Variants in PEMT observed in about 807,000 individuals in gnomAD.
The protein encoded by PEMT is phospholipid methyltransferase.
In PEMT, 23 loss-of-function variants were observed where a neutral mutation model predicts 27.4. The observed-to-expected ratio is 0.84, with a 90% confidence interval of 0.60 to 1.19. The LOEUF (loss-of-function observed/expected upper bound fraction) is 1.19, where lower values mean the gene tolerates loss of function less well. Among genes scored for constraint, PEMT ranks in the 50% most tolerant of loss-of-function variants. The pLI is 0.00. For synonymous variants in PEMT, 137 were observed against 139.1 expected, an observed-to-expected ratio of 0.98 and a Z score of 0.11; for missense variants, 307 against 310.1, an observed-to-expected ratio of 0.99 and a Z score of 0.07.
intron 2 of PEMT, among the ~76,000 whole-genome samples, chr17:17,566,141 C>A (rs4646360): frequency 6.6e-6 from 1 of 152,160 alleles, no homozygotes; most frequent in African/African-American, 2.4e-5. Context: ...CATTCAGCCT[C>A]CAAAGAAGAC....
intron 1 of PEMT, among the ~76,000 whole-genome samples, chr17:17,578,414 G>A (rs1027683014): frequency 2.6e-5 from 4 of 151,952 alleles, no homozygotes; most frequent in African/African-American, 7.2e-5. Flanking sequence ...CAAGAGGATC[G>A]CTTGAGCCCA....
At chr17:17,521,560 C>T (rs1034583703) in intron 3 of PEMT, among the ~76,000 whole-genome samples, 156 of 149,822 alleles carry the variant, frequency 1.0e-3, no homozygotes, top group African/African-American at 3.7e-3. Context: ...AAGAAGCTTT[C>T]TTTTAAAAAA....
chr17:17,572,921 G>A (rs923011906), intron 2 of PEMT, among the ~76,000 whole-genome samples: 62 of 152,304 alleles, frequency 4.1e-4, no homozygotes, highest in African/African-American at 1.4e-3. Context: ...AGGCGTGGTG[G>A]CTCATGCCTG....
intron 1 of PEMT, 56 bp downstream of exon 1, chr17:17,591,475 C>G (rs775115075): frequency 2.1e-6 from 3 of 1,435,474 alleles, no homozygotes; most frequent in Non-Finnish European, 2.9e-6. Flanking sequence ...CTTCACGCCC[C>G]TCGGGCCTTG....
intron 2 of PEMT, among the ~76,000 whole-genome samples, chr17:17,568,628 C>T (rs1274906207): frequency 6.6e-6 from 1 of 152,182 alleles, no homozygotes; most frequent in Non-Finnish European, 1.5e-5. Context: ...TCCCATAGCA[C>T]CTACAAGGTC....
chr17:17,553,650 T>A lies in PEMT; in HGVS notation c.204+23270A>T, dbSNP rs9899073. 4.1e-3 allele frequency among the ~76,000 whole-genome samples: 627 copies of A among 152,324 alleles called. 4 individuals carry two copies. The highest frequency in any genetic ancestry group is 0.014 in the African/African-American group (589 of 41,572). ...ACCTGACCCAGCACCCCCTGCTCAGTTCAGCTCCCACGCGTGGCCTTCTCG... is the reference window on the plus strand; with the variant it reads ...ACCTGACCCAGCACCCCCTGCTCAGATCAGCTCCCACGCGTGGCCTTCTCG... On this transcript the variant is annotated intron_variant, in intron 2 of 6. Transcript: ENST00000255389.
intron 2 of PEMT, among the ~76,000 whole-genome samples, chr17:17,529,097 G>A (rs151130322): frequency 3.9e-5 from 6 of 152,338 alleles, no homozygotes; most frequent in African/African-American, 1.4e-4. Flanking sequence ...CCCAGTCACT[G>A]CCAGCTAGGC....
At chr17:17,551,473 G>A (rs1909648332) in intron 2 of PEMT, among the ~76,000 whole-genome samples, 1 of 152,226 alleles carries the variant, frequency 6.6e-6, no homozygotes, top group Non-Finnish European at 1.5e-5. Context: ...GCGCGGGCTT[G>A]CAGGCCTCCA....
chr17:17,557,863 C>T (rs1016448123), intron 2 of PEMT, among the ~76,000 whole-genome samples: 2 of 152,218 alleles, frequency 1.3e-5, no homozygotes, highest in Non-Finnish European at 2.9e-5. Context: ...CCGGCCTCAC[C>T]CTCCCCAGGG....
At chr17:17,552,959 C>G (rs936823325) in intron 2 of PEMT, among the ~76,000 whole-genome samples, 2 of 152,206 alleles carry the variant, frequency 1.3e-5, no homozygotes, top group Non-Finnish European at 2.9e-5. Flanking sequence ...CCCAGCGCCC[C>G]GTGAGTCCAC....
At chr17:17,548,171 G>A (rs565860586) in intron 2 of PEMT, among the ~76,000 whole-genome samples, 17 of 152,322 alleles carry the variant, frequency 1.1e-4, no homozygotes, top group African/African-American at 3.8e-4. Context: ...TTGTCATGGC[G>A]GCAGTCCACA....
intron 2 of PEMT, chr17:17,570,722 G>C: frequency 1.0e-6 from 1 of 985,412 alleles, no homozygotes; most frequent in Non-Finnish European, 1.2e-6. Flanking sequence ...CCATTTCCTG[G>C]AAAACCTGGG....
Position 17,524,011 on chromosome 17 carries a change from C to T in PEMT, c.205-1616G>A, listed in dbSNP as rs145563707. ...GACGTTTCATATAAACTGAATCACACACTACATGGTCTTTTGTGTCTGGCT... is the reference window on the plus strand; with the variant it reads ...GACGTTTCATATAAACTGAATCACATACTACATGGTCTTTTGTGTCTGGCT... On this transcript the variant is annotated intron_variant, in intron 2 of 6. Transcript: ENST00000255389. Among the ~76,000 whole-genome samples the T allele has an allele frequency of 2.9e-3, 445 of 152,282 alleles. 2 individuals carry two copies. Among genetic ancestry groups the T allele is most frequent in the South Asian group, 0.016 (79 of 4,828 alleles).
At chr17:17,591,023 C>T (rs528328155) in intron 1 of PEMT, among the ~76,000 whole-genome samples, 3 of 152,262 alleles carry the variant, frequency 2.0e-5, no homozygotes, top group African/African-American at 7.2e-5. Context: ...CACTCTCTTG[C>T]CTCTGGGCAA....
chr17:17,521,834 T>C (rs1907289592), intron 3 of PEMT, among the ~76,000 whole-genome samples: 1 of 152,132 alleles, frequency 6.6e-6, no homozygotes, highest in African/African-American at 2.4e-5. Flanking sequence ...CCCAAAGTGC[T>C]AGGATTACAG....
chr17:17,564,755 A>T (rs1018950231), intron 2 of PEMT, among the ~76,000 whole-genome samples: 8 of 152,096 alleles, frequency 5.3e-5, no homozygotes, highest in Admixed American at 5.2e-4. Flanking sequence ...TCCTCACCAG[A>T]GGGGCTCACA....
At chr17:17,532,048 A>G (rs1567690267) in intron 2 of PEMT, among the ~76,000 whole-genome samples, 1 of 152,112 alleles carries the variant, frequency 6.6e-6, no homozygotes, top group African/African-American at 2.4e-5. Flanking sequence ...AAAAAACTCA[A>G]TTTTTTTCAA....
chr17:17,513,880 A>G lies in PEMT; in HGVS notation c.321-1226T>C, dbSNP rs1443194208. On this transcript the variant is annotated intron_variant, in intron 3 of 6. Coordinates refer to ENST00000255389, the MANE Select transcript of PEMT (RefSeq NM_148172.3). This position sits in a 1 kb window ranked among gnomAD's most constrained non-coding sequence, Gnocchi z 4.1. ...TCTTCCCATGCTCACAATAATCACA[A>G]CACAGAAGAGACATGGAGATCTGCT... Among the ~76,000 whole-genome samples, 2 of 152,178 alleles carry G rather than the reference A, an allele frequency of 1.3e-5. No homozygotes were observed. The highest frequency in any genetic ancestry group is 4.8e-5 in the African/African-American group (2 of 41,436).
rs1051964426 is a variant in PEMT at position 17,577,143 on chromosome 17, A to T, written c.97-116T>A. The stretch of plus-strand genomic sequence containing the variant: ...ACACTGGGAGGCCTGGGAACATCCA[A>T]GTCCGGCAAAGGTTACTACAGTGTA... On this transcript the variant is annotated intron_variant, in intron 1 of 6. Transcript: ENST00000255389. The T allele has an allele frequency of 6.8e-6, 5 of 739,758 alleles. No homozygotes were observed. The African/African-American group carries it at 8.7e-5, about 13-fold the overall frequency. The allele number at this position is 739,758 out of a possible 1,614,324, so 45.8% of individuals were successfully genotyped here.
Sources: gnomAD v4.1 joint callset for allele counts (sites outside exome capture counted in the v4.1 genomes callset) on GRCh38, gnomAD v4.1.1 for gene constraint, Gnocchi (gnomAD v3.1) non-coding constraint, MANE v1.5 for transcripts, NCBI Gene and HGNC (gene_info 2026-07-23, HGNC 2026-07-21) for gene names.